COLEC11: variants seen among roughly 807,000 people sequenced by gnomAD.
COLEC11 encodes collectin subfamily member 11.
COLEC11 carries 20 observed loss-of-function variants against 27.3 expected under a neutral mutation model. The ratio of observed to expected loss-of-function variants is 0.73; its 90% CI spans 0.51 to 1.06. The LOEUF (loss-of-function observed/expected upper bound fraction) is 1.06, where lower values mean the gene tolerates loss of function less well. COLEC11 is among the 50% of genes least tolerant of loss of function. The pLI, the probability that COLEC11 is intolerant of heterozygous loss-of-function variation, is 0.00. For missense variants in COLEC11, 310 were observed against 383.0 expected, an observed-to-expected ratio of 0.81 and a Z score of 1.59; for synonymous variants, 163 against 154.7, an observed-to-expected ratio of 1.05 and a Z score of -0.40.
chr2:3,625,420 G>A (rs879456204), intron 3 of COLEC11, among the ~76,000 whole-genome samples: 27 of 152,166 alleles, frequency 1.8e-4, no homozygotes, highest in African/African-American at 6.3e-4. Flanking sequence ...AGCCCAGGGC[G>A]GGGGTTAGGG....
chr2:3,631,466 C>G (rs1412755500), intron 3 of COLEC11, among the ~76,000 whole-genome samples: 1 of 152,100 alleles, frequency 6.6e-6, no homozygotes, highest in Non-Finnish European at 1.5e-5. Context: ...GTTTCTCCAC[C>G]CCCAGGCCCA....
At chr2:3,595,596 C>T (rs1244269675) in intron 1 of COLEC11, among the ~76,000 whole-genome samples, 2 of 152,208 alleles carry the variant, frequency 1.3e-5, no homozygotes, top group Non-Finnish European at 2.9e-5. Context: ...ACGACTGCCC[C>T]CAGGGACCAG....
At chr2:3,635,526 G>A (rs565754957) in intron 3 of COLEC11, among the ~76,000 whole-genome samples, 10 of 152,318 alleles carry the variant, frequency 6.6e-5, no homozygotes, top group South Asian at 2.1e-4. Context: ...CTCTGAGGAC[G>A]GACGAGGAAG....
At chr2:3,628,073 G>T (rs574903794) in intron 3 of COLEC11, among the ~76,000 whole-genome samples, 65 of 152,344 alleles carry the variant, frequency 4.3e-4, no homozygotes, top group African/African-American at 1.5e-3. Flanking sequence ...CTGCAGATCC[G>T]CTCTCATCCT....
chr2:3,610,828 T>C (rs1663132349), intron 2 of COLEC11, among the ~76,000 whole-genome samples: 1 of 152,212 alleles, frequency 6.6e-6, no homozygotes, highest in African/African-American at 2.4e-5. Context: ...TTGTTGAGGT[T>C]ATTGCCTCAT....
At position 3,602,924 on chromosome 2, in the gene COLEC11, T is replaced by C. The variant is rs1662340837; in HGVS notation, c.-26-1391T>C. ...CGGCGCTTACCCCTGCCTCTGTCTG[T>C]CTCTGTCTGTCTGTCTGTCTGTCTC... On this transcript the variant is annotated intron_variant, in intron 1 of 6. Coordinates refer to ENST00000349077, the MANE Select transcript of COLEC11 (RefSeq NM_024027.5). The surrounding 1 kb of genome is among the most constrained non-coding windows in gnomAD (Gnocchi z 6.2). Among the ~76,000 whole-genome samples, 1 of 152,142 alleles carries C rather than the reference T, an allele frequency of 6.6e-6. No homozygotes were observed. Among genetic ancestry groups the C allele is most frequent in the South Asian group, 2.1e-4 (1 of 4,830 alleles).
intron 3 of COLEC11, 97 bp downstream of exon 3, chr2:3,613,479 G>C: frequency 1.5e-6 from 2 of 1,313,392 alleles, no homozygotes; most frequent in South Asian, 1.3e-5. Flanking sequence ...GTTCCAGAGA[G>C]GACAGGCCCT....
At chr2:3,603,060 C>T (rs999801889) in intron 1 of COLEC11, among the ~76,000 whole-genome samples, 2 of 152,244 alleles carry the variant, frequency 1.3e-5, no homozygotes, top group Non-Finnish European at 2.9e-5. Context: ...ATTAACCAAA[C>T]GAAAGGCTGC....
intron 3 of COLEC11, among the ~76,000 whole-genome samples, chr2:3,627,653 ACT>A (rs756497880): frequency 1.2e-4 from 17 of 144,814 alleles, no homozygotes; most frequent in Admixed American, 3.5e-4. Context: ...GGGCATAATG[ACT>A]CTGGGCACGA....
At chr2:3,611,333 C>T (rs1056269749) in intron 2 of COLEC11, among the ~76,000 whole-genome samples, 3 of 152,226 alleles carry the variant, frequency 2.0e-5, no homozygotes, top group Non-Finnish European at 4.4e-5. Flanking sequence ...TCCCGCACAG[C>T]GTCTCTGCTC....
intron 5 of COLEC11, 44 bp from the exon 6 acceptor site, chr2:3,643,400 A>C: frequency 6.7e-7 from 1 of 1,499,142 alleles, no homozygotes. Context: ...TCTGAGTCCG[A>C]GTCCTCATCC....
intron 6 of COLEC11, 80 bp downstream of exon 6, chr2:3,643,619 G>A (rs1267554389): frequency 6.3e-7 from 1 of 1,595,866 alleles, no homozygotes; most frequent in Non-Finnish European, 8.6e-7. Flanking sequence ...GCTCTGCCGT[G>A]CCCACGCCTG....
rs1052998715 is a variant in COLEC11, at chr2:3,640,170, G to A, written c.275-108G>A. On this transcript the variant is annotated intron_variant, in intron 4 of 6. Coordinates refer to ENST00000349077, the MANE Select transcript of COLEC11 (RefSeq NM_024027.5). Reference sequence around the variant, plus strand: ...TCCGGTACTTTGTAGCAACAAGAGGGCCTGGGATAAATCCGCGAGACAAAT... The same window carrying A: ...TCCGGTACTTTGTAGCAACAAGAGGACCTGGGATAAATCCGCGAGACAAAT... 8.0e-6 allele frequency: 6 copies of A among 750,126 alleles called. No individual in the cohort carries two copies. In the African/African-American group the frequency reaches 8.6e-5, roughly 11 times the overall value. The allele number at this position is 750,126 out of a possible 1,614,324, so 46.5% of individuals were successfully genotyped here.
intron 3 of COLEC11, among the ~76,000 whole-genome samples, chr2:3,636,142 T>A (rs1272025745): frequency 6.6e-6 from 1 of 152,216 alleles, no homozygotes; most frequent in African/African-American, 2.4e-5. Flanking sequence ...CAGAGTGTTA[T>A]CTGCGTGCGA....
intron 3 of COLEC11, among the ~76,000 whole-genome samples, chr2:3,619,746 C>T (rs141888373): frequency 0.031 from 4,746 of 152,222 alleles, 163 homozygotes; most frequent in African/African-American, 0.082. Flanking sequence ...CTGCCTCAGC[C>T]GCCCAAGTAG....
chr2:3,633,646 C>T (rs1665176186), intron 3 of COLEC11, among the ~76,000 whole-genome samples: 1 of 152,098 alleles, frequency 6.6e-6, no homozygotes, highest in Non-Finnish European at 1.5e-5. Flanking sequence ...GGGGGAGCGG[C>T]GTGAAGACGT....
Position 3,595,124 on chromosome 2 carries a change from G to C in COLEC11, c.-71G>C. ...GGCGCCTGGGGGCAGTGTCCTCGCGGGCCAGCGACGGGCAGGACGCCCCGT... is the reference window on the plus strand; with the variant it reads ...GGCGCCTGGGGGCAGTGTCCTCGCGCGCCAGCGACGGGCAGGACGCCCCGT... On this transcript the variant is annotated 5_prime_UTR_variant, in exon 1 of 7. Transcript: ENST00000349077. 2 of 365,002 alleles carry C rather than the reference G, an allele frequency of 5.5e-6. No homozygotes were observed. The highest frequency in any genetic ancestry group is 1.1e-5 in the Non-Finnish European group (2 of 179,992). The allele number at this position is 365,002 out of a possible 1,614,324, so 22.6% of individuals were successfully genotyped here.
chr2:3,606,990 G>GC (rs1662756862), intron 2 of COLEC11, among the ~76,000 whole-genome samples: 1 of 152,230 alleles, frequency 6.6e-6, no homozygotes, highest in Non-Finnish European at 1.5e-5. Context: ...GGATGAAGAA[G>GC]CCGCGGCCTG....
intron 2 of COLEC11, chr2:3,606,283 C>T: frequency 1.3e-6 from 2 of 1,527,104 alleles, no homozygotes; most frequent in Non-Finnish European, 1.8e-6. Flanking sequence ...GGGTGGGCTC[C>T]AGGGTCCTTT....
Sources: allele counts gnomAD v4.1 joint callset (sites outside exome capture counted in the v4.1 genomes callset), GRCh38; gene constraint gnomAD v4.1.1; non-coding constraint Gnocchi (gnomAD v3.1); transcripts MANE v1.5; gene names NCBI Gene and HGNC (gene_info 2026-07-23, HGNC 2026-07-21).